Variants in SRGAP3 observed in about 807,000 individuals in gnomAD.
The protein encoded by SRGAP3 is SLIT-ROBO Rho GTPase-activating protein 3.
In SRGAP3, 39 loss-of-function variants were observed where a neutral mutation model predicts 121.1. The ratio of observed to expected loss-of-function variants is 0.32; its 90% confidence interval spans 0.25 to 0.42. The LOEUF (loss-of-function observed/expected upper bound fraction) is 0.42, where lower values mean the gene tolerates loss of function less well. SRGAP3 is among the 10% of genes least tolerant of loss of function. The pLI is 1.00. For synonymous variants in SRGAP3, 601 were observed against 570.0 expected (o/e 1.05, Z -0.77); for missense variants, 1,213 against 1,470.6 (o/e 0.82, Z 2.86).
chr3:9,269,730 A>G lies in SRGAP3; in HGVS notation n.442+56280T>C, dbSNP rs117632367. ...GAGAGGGCAAAAGGCCAATCAGGCC[A>G]TATCTACCCTGATTTCTACACTTAA... On this transcript the variant is annotated intron_variant and non_coding_transcript_variant, in intron 3 of 3. Transcript: ENST00000490889. Among the ~76,000 whole-genome samples the G allele has an allele frequency of 3.2e-3, 480 of 152,334 alleles. 17 individuals carry two copies. In the South Asian group the frequency reaches 0.055, roughly 17 times the overall value.
chr3:9,308,724 G>A (rs1955196811), intron 3 of SRGAP3, among the ~76,000 whole-genome samples: 1 of 152,180 alleles, frequency 6.6e-6, no homozygotes, highest in Non-Finnish European at 1.5e-5. Flanking sequence ...AGCAGAGGCT[G>A]ATGGAAATGA....
rs137869488 is a variant in SRGAP3, at chr3:9,045,742, G to A, written c.1408+1649C>T. 3.3e-5 allele frequency among the ~76,000 whole-genome samples: 5 copies of A among 152,238 alleles called. No homozygotes were observed. The East Asian group carries it at 7.7e-4, about 24-fold the overall frequency. On this transcript the variant is annotated intron_variant, in intron 10 of 21. Transcript: ENST00000383836. ...AGGCCACTGCACCAGGCCCAGGATCGTATTTTTTAAAAGAAGATCTAGTTT... is the reference window on the plus strand; with the variant it reads ...AGGCCACTGCACCAGGCCCAGGATCATATTTTTTAAAAGAAGATCTAGTTT...
chr3:9,355,260 A>C (rs962130838), intron 1 of SRGAP3, among the ~76,000 whole-genome samples: 5 of 152,182 alleles, frequency 3.3e-5, no homozygotes, highest in African/African-American at 4.8e-5. Context: ...CTAATATCCT[A>C]GTTTGAGATA....
intron 3 of SRGAP3, among the ~76,000 whole-genome samples, chr3:9,092,530 G>C (rs1947800076): frequency 6.6e-6 from 1 of 152,120 alleles, no homozygotes; most frequent in Admixed American, 6.5e-5. Context: ...TTGAAGATTA[G>C]AACACAGAGG....
At chr3:9,138,863 G>A (rs970150140) in intron 1 of SRGAP3, among the ~76,000 whole-genome samples, 1 of 152,134 alleles carries the variant, frequency 6.6e-6, no homozygotes, top group Non-Finnish European at 1.5e-5. Flanking sequence ...TTATGAATGG[G>A]CAAATATTAC....
At chr3:9,019,176 T>C (rs1943788275) in intron 14 of SRGAP3, among the ~76,000 whole-genome samples, 1 of 152,240 alleles carries the variant, frequency 6.6e-6, no homozygotes, top group Non-Finnish European at 1.5e-5. Context: ...CAGTGAATAG[T>C]CTTGTGTTTT....
chr3:9,083,221 C>T (rs1947319082), intron 3 of SRGAP3, among the ~76,000 whole-genome samples: 1 of 152,186 alleles, frequency 6.6e-6, no homozygotes, highest in Non-Finnish European at 1.5e-5. Context: ...GGTCCTCAAA[C>T]TCCCCAACAC....
intron 1 of SRGAP3, among the ~76,000 whole-genome samples, chr3:9,127,489 C>T (rs1381728457): frequency 6.6e-6 from 1 of 152,182 alleles, no homozygotes; most frequent in African/African-American, 2.4e-5. Context: ...CGCTCTGTCG[C>T]CAGGCTGGAG....
intron 2 of SRGAP3, among the ~76,000 whole-genome samples, chr3:9,107,703 C>T (rs1460693441): frequency 2.0e-5 from 3 of 152,190 alleles, no homozygotes; most frequent in Admixed American, 2.0e-4. Context: ...TAGGGCTGGG[C>T]CCAGAATCTG....
At chr3:9,030,127 G>C (rs1438462537) in intron 12 of SRGAP3, among the ~76,000 whole-genome samples, 1 of 152,092 alleles carries the variant, frequency 6.6e-6, no homozygotes, top group Non-Finnish European at 1.5e-5. Context: ...ACTCCAGCCT[G>C]GGCGACACAG....
intron 1 of SRGAP3, among the ~76,000 whole-genome samples, chr3:9,345,490 A>G (rs1308818542): frequency 1.3e-5 from 2 of 151,044 alleles, no homozygotes; most frequent in Non-Finnish European, 3.0e-5. Flanking sequence ...TCAAAAAAAA[A>G]AGAAAAAAGA....
intron 14 of SRGAP3, among the ~76,000 whole-genome samples, chr3:9,020,803 G>A (rs996018184): frequency 6.6e-6 from 1 of 152,206 alleles, no homozygotes; most frequent in African/African-American, 2.4e-5. Flanking sequence ...CTTTCTCCAG[G>A]AGGAGAATTA....
At chr3:9,075,390 T>TGTGTGTGTGTGCGC (rs1454621766) in intron 4 of SRGAP3, among the ~76,000 whole-genome samples, 31 of 148,614 alleles carry the variant, frequency 2.1e-4, no homozygotes, top group African/African-American at 8.1e-4. Context: ...TGTGTGTGTG[T>TGTGTGTGTGTGCGC]GCGCGCGCAC....
At chr3:9,179,351 G>T (rs1336842250) in intron 1 of SRGAP3, among the ~76,000 whole-genome samples, 1 of 152,210 alleles carries the variant, frequency 6.6e-6, no homozygotes, top group African/African-American at 2.4e-5. Context: ...CCTCTTCCTA[G>T]AAAAGCAACC....
intron 3 of SRGAP3, among the ~76,000 whole-genome samples, chr3:9,265,047 C>A (rs906441079): frequency 1.3e-5 from 2 of 152,110 alleles, no homozygotes; most frequent in Non-Finnish European, 2.9e-5. Flanking sequence ...TGGAACAGAA[C>A]AGAGGCCTCA....
chr3:9,227,233 G>T (rs1043019612), intron 1 of SRGAP3, among the ~76,000 whole-genome samples: 1 of 152,178 alleles, frequency 6.6e-6, no homozygotes, highest in Admixed American at 6.5e-5. Context: ...TGGAAATGAT[G>T]AATTCATTTT....
intron 1 of SRGAP3, among the ~76,000 whole-genome samples, chr3:9,196,771 C>CTA (rs1951932502): frequency 6.6e-6 from 1 of 152,126 alleles, no homozygotes; most frequent in African/African-American, 2.4e-5. Flanking sequence ...GACAAAAACC[C>CTA]TAAATTTTGC....
intron 21 of SRGAP3, among the ~76,000 whole-genome samples, chr3:8,987,899 G>A (rs759715231): frequency 2.6e-5 from 4 of 152,068 alleles, no homozygotes; most frequent in Non-Finnish European, 5.9e-5. Context: ...CAACCACTCC[G>A]CTTGAAGGAA....
intron 1 of SRGAP3, among the ~76,000 whole-genome samples, chr3:9,226,726 G>A (rs1222776545): frequency 1.3e-5 from 2 of 152,082 alleles, no homozygotes; most frequent in Admixed American, 6.6e-5. Context: ...TTAAATTTCA[G>A]CCCACCTACA....
Sources: gnomAD v4.1 joint callset for allele counts (sites outside exome capture counted in the v4.1 genomes callset) on GRCh38, gnomAD v4.1.1 for gene constraint, MANE v1.5 for transcripts, NCBI Gene and HGNC (gene_info 2026-07-23, HGNC 2026-07-21) for gene names.